Variants in GABRB1 observed in about 807,000 individuals in gnomAD.
GABRB1 encodes gamma-aminobutyric acid receptor subunit beta-1.
In GABRB1, 17 loss-of-function variants were observed where a neutral mutation model predicts 51.6. That is an observed-to-expected ratio of 0.33 (90% CI 0.23 to 0.49). GABRB1 has a LOEUF of 0.49. Among genes scored for constraint, GABRB1 ranks in the 20% least tolerant of loss-of-function variants. The pLI is 0.99. For synonymous variants in GABRB1, 247 were observed against 218.9 expected, an observed-to-expected ratio of 1.13 and a Z score of -1.14; for missense variants, 410 against 600.6, an observed-to-expected ratio of 0.68 and a Z score of 3.32.
chr4:47,094,761 G>C (rs1416063815), intron 3 of GABRB1, among the ~76,000 whole-genome samples: 1 of 143,854 alleles, frequency 7.0e-6, no homozygotes, highest in African/African-American at 2.6e-5. Context: ...GAACTTAAAG[G>C]TAAAAAAAAA....
At chr4:47,260,042 G>C (rs899478139) in intron 4 of GABRB1, among the ~76,000 whole-genome samples, 1 of 152,098 alleles carries the variant, frequency 6.6e-6, no homozygotes, top group Non-Finnish European at 1.5e-5. Flanking sequence ...AGGATAGTTA[G>C]CTCTTCTTGT....
chr4:47,281,389 A>G (rs1375159394), intron 4 of GABRB1, among the ~76,000 whole-genome samples: 2 of 152,218 alleles, frequency 1.3e-5, no homozygotes, highest in African/African-American at 2.4e-5. Flanking sequence ...AAAAAGACAA[A>G]TGATAATATG....
chr4:47,039,074 T>C (rs1415655387), intron 3 of GABRB1, among the ~76,000 whole-genome samples: 2 of 152,088 alleles, frequency 1.3e-5, no homozygotes, highest in East Asian at 3.9e-4. Context: ...ACTTGACAGA[T>C]ATGCTTAAGA....
At chr4:47,299,426 G>A (rs371952618) in intron 4 of GABRB1, among the ~76,000 whole-genome samples, 83 of 152,152 alleles carry the variant, frequency 5.5e-4, no homozygotes, top group South Asian at 1.0e-3. Context: ...AAAAGTGGGC[G>A]AAGGACATGA....
At chr4:47,221,389 C>A (rs1406804991) in intron 4 of GABRB1, among the ~76,000 whole-genome samples, 5 of 152,008 alleles carry the variant, frequency 3.3e-5, no homozygotes, top group Middle Eastern at 3.4e-3. Context: ...CATTGCTTTG[C>A]CCAATTATAT....
At chr4:47,302,083 G>T (rs953618054) in intron 4 of GABRB1, among the ~76,000 whole-genome samples, 3 of 152,072 alleles carry the variant, frequency 2.0e-5, no homozygotes, top group Non-Finnish European at 4.4e-5. Flanking sequence ...CTTTGCCACA[G>T]ATCAAGATTA....
intron 3 of GABRB1, among the ~76,000 whole-genome samples, chr4:47,092,655 A>G (rs1728376060): frequency 6.7e-6 from 1 of 149,460 alleles, no homozygotes; most frequent in African/African-American, 2.5e-5. Context: ...CCCAGGTTGG[A>G]GTGCAGTGGC....
At chr4:47,134,195 G>T (rs1470210057) in intron 3 of GABRB1, among the ~76,000 whole-genome samples, 2 of 152,114 alleles carry the variant, frequency 1.3e-5, no homozygotes, top group African/African-American at 4.8e-5. Flanking sequence ...GTTGTCTCTA[G>T]TTGTACTCCA....
intron 1 of GABRB1, among the ~76,000 whole-genome samples, chr4:47,016,406 T>C (rs978941521): frequency 6.6e-6 from 1 of 152,134 alleles, no homozygotes; most frequent in Non-Finnish European, 1.5e-5. Flanking sequence ...GTAATAAAAA[T>C]TTTTGAAAAT....
In GABRB1 at chr4:47,225,956, C is replaced by T. The variant is rs551108282; in HGVS notation, c.461+64487C>T. On this transcript the variant is annotated intron_variant, in intron 4 of 8. Transcript: ENST00000295454. ...GTTAAATCTAACTTCAACCCCCCAC[C>T]AGTGTACTGGCTGTGAATTCCACTT... Among the ~76,000 whole-genome samples the T allele has an allele frequency of 3.9e-5, 6 of 152,256 alleles. No individual in the cohort carries two copies. The East Asian group carries it at 1.2e-3, about 29-fold the overall frequency.
chr4:47,037,569 T>TA (rs1725644516), intron 3 of GABRB1, among the ~76,000 whole-genome samples: 1 of 150,986 alleles, frequency 6.6e-6, no homozygotes, highest in East Asian at 1.9e-4. Flanking sequence ...TTTTTTTTTT[T>TA]ACTCTAAGCC....
At chr4:47,013,584 A>G (rs1294380019) in intron 1 of GABRB1, among the ~76,000 whole-genome samples, 2 of 152,234 alleles carry the variant, frequency 1.3e-5, no homozygotes, top group African/African-American at 4.8e-5. Flanking sequence ...CAGTTTATTT[A>G]CATTATTTAG....
At chr4:47,391,538 A>G (rs1036639895) in intron 5 of GABRB1, among the ~76,000 whole-genome samples, 3 of 152,164 alleles carry the variant, frequency 2.0e-5, no homozygotes, top group Non-Finnish European at 4.4e-5. Flanking sequence ...CTCACCTAGG[A>G]TCTTATAATT....
chr4:47,048,552 T>G (rs753591475), intron 3 of GABRB1, among the ~76,000 whole-genome samples: 6 of 152,158 alleles, frequency 3.9e-5, no homozygotes, highest in Middle Eastern at 3.2e-3. Flanking sequence ...TCTGTACTTT[T>G]GTATTTAGAC....
chr4:47,006,975 C>CA (rs1724420891), intron 1 of GABRB1, among the ~76,000 whole-genome samples: 1 of 151,828 alleles, frequency 6.6e-6, no homozygotes, highest in Non-Finnish European at 1.5e-5. Flanking sequence ...GGCAACATGG[C>CA]AAAGCCTACA....
chr4:47,244,554 T>A (rs529187324), intron 4 of GABRB1, among the ~76,000 whole-genome samples: 9 of 152,202 alleles, frequency 5.9e-5, no homozygotes, highest in Admixed American at 2.6e-4. Flanking sequence ...ATTGCCTCAA[T>A]TTCAGAGCCT....
At chr4:47,332,219 A>G (rs1227336684) in intron 5 of GABRB1, among the ~76,000 whole-genome samples, 1 of 152,218 alleles carries the variant, frequency 6.6e-6, no homozygotes, top group East Asian at 1.9e-4. Context: ...TAGATCACAC[A>G]ATGGTCAGAA....
At chr4:47,012,994 T>C (rs772318762) in intron 1 of GABRB1, among the ~76,000 whole-genome samples, 17 of 152,212 alleles carry the variant, frequency 1.1e-4, no homozygotes, top group Non-Finnish European at 2.4e-4. Context: ...ACTGCAAAGT[T>C]TTCCATTGTA....
At position 47,350,284 on chromosome 4, in the gene GABRB1, TATAGAG is replaced by T. The variant is rs1166759439; in HGVS notation, c.544+30077_544+30082del. On this transcript the variant is annotated intron_variant, in intron 5 of 8. Transcript: ENST00000295454. ...ATTAATGTGTGTATATATATATATATATAGAGAGAGAGAGAGAGCTGGCTTTTCAAT... is the reference window on the plus strand; with the variant it reads ...ATTAATGTGTGTATATATATATATATAGAGAGAGAGAGCTGGCTTTTCAAT... 1.8e-4 allele frequency among the ~76,000 whole-genome samples: 25 copies of T among 140,060 alleles called. 1 individual carries two copies. The highest frequency in any genetic ancestry group is 6.2e-4 in the African/African-American group (23 of 37,310). The allele number at this position is 140,060 out of a possible 152,430, so 91.9% of individuals were successfully genotyped here. A position where few individuals can be genotyped will look rare whatever the true frequency, so the allele number is the denominator to read the frequency against.
Sources: allele counts gnomAD v4.1 joint callset (sites outside exome capture counted in the v4.1 genomes callset), GRCh38; gene constraint gnomAD v4.1.1; transcripts MANE v1.5; gene names NCBI Gene and HGNC (gene_info 2026-07-23, HGNC 2026-07-21).